TSHZ2: variants seen among roughly 807,000 people sequenced by gnomAD.
TSHZ2 encodes teashirt zinc finger homeobox 2.
Under a neutral mutation model 74.4 loss-of-function variants are expected in TSHZ2, and 21 were observed. The observed-to-expected ratio is 0.28, with a 90% confidence interval of 0.20 to 0.41. The LOEUF (loss-of-function observed/expected upper bound fraction) is 0.41. TSHZ2 is among the 10% of genes least tolerant of loss of function. The probability of loss-of-function intolerance (pLI) is 1.00; values close to 1 mark genes in which losing one functional copy is unlikely to be tolerated. For missense variants in TSHZ2, 1,244 were observed against 1,293.5 expected, an observed-to-expected ratio of 0.96 and a Z score of 0.59; for synonymous variants, 540 against 515.3, an observed-to-expected ratio of 1.05 and a Z score of -0.65.
intron 1 of TSHZ2, among the ~76,000 whole-genome samples, chr20:53,175,552 T>C (rs886919409): frequency 6.6e-6 from 1 of 151,924 alleles, no homozygotes; most frequent in Non-Finnish European, 1.5e-5. Context: ...CCAGGAAGCA[T>C]GGCACTGCTT....
At chr20:53,375,933 C>G (rs1981641602) in intron 2 of TSHZ2, among the ~76,000 whole-genome samples, 4 of 152,188 alleles carry the variant, frequency 2.6e-5, no homozygotes, top group Admixed American at 2.6e-4. Flanking sequence ...CATACTCTAA[C>G]AGGATAGGAA....
intron 1 of TSHZ2, among the ~76,000 whole-genome samples, chr20:53,148,726 C>T (rs939959696): frequency 6.6e-6 from 1 of 152,056 alleles, no homozygotes; most frequent in Non-Finnish European, 1.5e-5. Context: ...TCTGAGATTG[C>T]CATCAACATA....
intron 1 of TSHZ2, among the ~76,000 whole-genome samples, chr20:53,070,467 G>T (rs967484525): frequency 6.6e-6 from 1 of 152,054 alleles, no homozygotes; most frequent in African/African-American, 2.4e-5. Flanking sequence ...AATCTCTTTC[G>T]GATAATAGGG....
chr20:53,307,634 TA>T (rs56388050), intron 2 of TSHZ2, among the ~76,000 whole-genome samples: 3 of 152,294 alleles, frequency 2.0e-5, no homozygotes, highest in African/African-American at 7.2e-5. Context: ...TCTAACTTTT[TA>T]AAAAATTCAG....
intron 1 of TSHZ2, among the ~76,000 whole-genome samples, chr20:53,023,567 A>C (rs1600651113): frequency 6.6e-6 from 1 of 152,116 alleles, no homozygotes; most frequent in East Asian, 1.9e-4. Context: ...TAATACTTGA[A>C]GCCATCATAG....
chr20:53,304,034 TTTATTA>T (rs200671444), intron 2 of TSHZ2, among the ~76,000 whole-genome samples: 16 of 151,152 alleles, frequency 1.1e-4, no homozygotes, highest in African/African-American at 3.9e-4. Flanking sequence ...CAACAGATTC[TTTATTA>T]TTATTATTAT....
intron 1 of TSHZ2, among the ~76,000 whole-genome samples, chr20:53,003,480 C>T (rs1982520524): frequency 6.6e-6 from 1 of 152,098 alleles, no homozygotes; most frequent in African/African-American, 2.4e-5. Flanking sequence ...TTCAAACTGG[C>T]ACGCCTGTAA....
At chr20:53,326,112 C>T (rs886644411) in intron 2 of TSHZ2, among the ~76,000 whole-genome samples, 2 of 152,214 alleles carry the variant, frequency 1.3e-5, no homozygotes, top group African/African-American at 2.4e-5. Flanking sequence ...AAGTGTCTTA[C>T]ACCTGCACCA....
chr20:52,999,479 T>C (rs1039536797), intron 1 of TSHZ2, among the ~76,000 whole-genome samples: 1 of 152,234 alleles, frequency 6.6e-6, no homozygotes, highest in Non-Finnish European at 1.5e-5. Flanking sequence ...CAAGGGCCAG[T>C]GTGCGATAGG....
chr20:53,328,506 C>T lies in TSHZ2; in HGVS notation c.*8+71935C>T, dbSNP rs749706914. On this transcript the variant is annotated intron_variant, in intron 2 of 2. Coordinates refer to ENST00000371497, the MANE Select transcript of TSHZ2 (RefSeq NM_173485.6). The stretch of plus-strand genomic sequence containing the variant: ...GCTGATCAGAAACAGTGATGTGAAC[C>T]GTCCGGAACATCTGTGCACTAGCCA... 7.2e-5 allele frequency among the ~76,000 whole-genome samples: 11 copies of T among 152,154 alleles called. 1 individual carries two copies. Among genetic ancestry groups the T allele is most frequent in the African/African-American group, 2.4e-4 (10 of 41,428 alleles).
intron 1 of TSHZ2, among the ~76,000 whole-genome samples, chr20:53,186,280 C>T (rs892082504): frequency 5.3e-5 from 8 of 152,310 alleles, no homozygotes; most frequent in African/African-American, 1.9e-4. Flanking sequence ...TTAGGACATT[C>T]TTTTAGAGCT....
chr20:53,154,028 T>C (rs76713707), intron 1 of TSHZ2, among the ~76,000 whole-genome samples: 3,914 of 152,318 alleles, frequency 0.026, 162 homozygotes, highest in African/African-American at 0.089. Flanking sequence ...TTGCATTCCA[T>C]TGGACAAAGT....
At chr20:53,408,457 C>G (rs2145692018) in intron 2 of TSHZ2, among the ~76,000 whole-genome samples, 1 of 152,272 alleles carries the variant, frequency 6.6e-6, no homozygotes, top group East Asian at 1.9e-4. Flanking sequence ...TTAGCCATTT[C>G]TCAAAACCTA....
At chr20:53,016,676 T>C (rs1358666771) in intron 1 of TSHZ2, among the ~76,000 whole-genome samples, 1 of 152,180 alleles carries the variant, frequency 6.6e-6, no homozygotes, top group Non-Finnish European at 1.5e-5. Context: ...GACAATCTAC[T>C]ACTTGGTATG....
intron 1 of TSHZ2, among the ~76,000 whole-genome samples, chr20:53,007,150 C>T (rs1276793568): frequency 6.6e-6 from 1 of 152,104 alleles, no homozygotes; most frequent in African/African-American, 2.4e-5. Flanking sequence ...GAGGAGGTGG[C>T]ATTGAACTTG....
intron 2 of TSHZ2, among the ~76,000 whole-genome samples, chr20:53,271,429 C>T (rs1207251212): frequency 1.3e-5 from 2 of 152,258 alleles, no homozygotes; most frequent in South Asian, 2.1e-4. Context: ...CCTCAATTAA[C>T]AAGAGCTACT....
intron 2 of TSHZ2, among the ~76,000 whole-genome samples, chr20:53,264,631 T>G (rs1990671691): frequency 6.6e-6 from 1 of 152,216 alleles, no homozygotes; most frequent in South Asian, 2.1e-4. Flanking sequence ...ATATATGCCT[T>G]GCAAGCTACC....
Position 53,488,476 on chromosome 20 carries a change from T to A in TSHZ2, c.*1341T>A, listed in dbSNP as rs1184461320. The A allele has an allele frequency of 6.3e-6, 1 of 158,886 alleles. No homozygotes were observed. The highest frequency in any genetic ancestry group is 6.1e-5 in the Admixed American group (1 of 16,316). The allele number at this position is 158,886 out of a possible 1,614,324, so 9.8% of individuals were successfully genotyped here. A position where few individuals can be genotyped will look rare whatever the true frequency, so the allele number is the denominator to read the frequency against. ...TTGGAGACGCAAGGATAGATCTGTTTACTCTAGTTGAACATTTTCTATACA... is the reference window on the plus strand; with the variant it reads ...TTGGAGACGCAAGGATAGATCTGTTAACTCTAGTTGAACATTTTCTATACA... On this transcript the variant is annotated 3_prime_UTR_variant, in exon 3 of 3. Transcript: ENST00000371497.
At chr20:53,273,794 G>C (rs1990886982) in intron 2 of TSHZ2, among the ~76,000 whole-genome samples, 1 of 152,162 alleles carries the variant, frequency 6.6e-6, no homozygotes, top group South Asian at 2.1e-4. Flanking sequence ...CTTGCCTAGG[G>C]AGGAGAAGGG....
Sources: gnomAD v4.1 joint callset for allele counts (sites outside exome capture counted in the v4.1 genomes callset) on GRCh38, gnomAD v4.1.1 for gene constraint, MANE v1.5 for transcripts, NCBI Gene and HGNC (gene_info 2026-07-23, HGNC 2026-07-21) for gene names.